Variants in KDM5B observed in about 807,000 individuals in gnomAD.
The protein encoded by KDM5B is lysine-specific demethylase 5B.
In KDM5B, 144 loss-of-function variants were observed where a neutral mutation model predicts 193.4. That is an observed-to-expected ratio of 0.74 (90% CI 0.65 to 0.86). The LOEUF (loss-of-function observed/expected upper bound fraction) is 0.86, where lower values mean the gene tolerates loss of function less well. KDM5B is among the 40% of genes least tolerant of loss of function. KDM5B has a pLI of 0.00. For missense variants in KDM5B, 1,833 were observed against 1,886.9 expected (o/e 0.97, Z 0.53); for synonymous variants, 668 against 682.6 (o/e 0.98, Z 0.33).
intron 11 of KDM5B, among the ~76,000 whole-genome samples, chr1:202,754,029 T>C (rs974274734): frequency 1.3e-5 from 2 of 152,232 alleles, no homozygotes; most frequent in Non-Finnish European, 2.9e-5. Context: ...TATCACAGTT[T>C]CCTAAAGCAA....
rs552068221 is a variant in KDM5B at position 202,769,050 on chromosome 1, T to G, written c.577-1990A>C. On this transcript the variant is annotated intron_variant, in intron 4 of 26. Coordinates refer to ENST00000367265, the MANE Select transcript of KDM5B (RefSeq NM_006618.5). ...ATATTCTTTTTTTTTCTTTTTTTTT[T>G]TTTTGAGACAGAGTCTCGCTTTGTC... Among the ~76,000 whole-genome samples the G allele has an allele frequency of 2.0e-5, 3 of 147,526 alleles. No homozygotes were observed. In the East Asian group the frequency reaches 6.1e-4, roughly 30 times the overall value.
intron 1 of KDM5B, among the ~76,000 whole-genome samples, chr1:202,779,215 T>G (rs1350627059): frequency 6.6e-6 from 1 of 152,074 alleles, no homozygotes; most frequent in East Asian, 1.9e-4. Flanking sequence ...TATACCAAGT[T>G]TATCCTAAGA....
Position 202,778,271 on chromosome 1 carries a change from A to AAGT in KDM5B, c.205-1180_205-1178dup, listed in dbSNP as rs201750950. The stretch of plus-strand genomic sequence containing the variant: ...TCATGGAAGAACTGCCATCATGAGG[A>AAGT]AGTAATCAGACAATTAAATATATAT... On this transcript the variant is annotated intron_variant, in intron 1 of 26. Coordinates refer to ENST00000367265, the MANE Select transcript of KDM5B (RefSeq NM_006618.5). Among the ~76,000 whole-genome samples, 598 of 152,302 alleles carry AAGT rather than the reference A, an allele frequency of 3.9e-3. 4 individuals carry two copies. The highest frequency in any genetic ancestry group is 0.011 in the African/African-American group (450 of 41,542).
chr1:202,746,808 G>T (rs761170486), intron 14 of KDM5B, among the ~76,000 whole-genome samples: 2 of 152,166 alleles, frequency 1.3e-5, no homozygotes, highest in Admixed American at 6.5e-5. Context: ...ATGCTGAGTG[G>T]TCTCTCAGCC....
intron 14 of KDM5B, among the ~76,000 whole-genome samples, 182 bp downstream of exon 14, chr1:202,748,763 T>C (rs1655670609): frequency 1.3e-5 from 2 of 152,078 alleles, no homozygotes; most frequent in African/African-American, 2.4e-5. Flanking sequence ...GAGACATATG[T>C]ACATGTGGCA....
Position 202,764,223 on chromosome 1 carries a change from T to A in KDM5B, c.712-78A>T, listed in dbSNP as rs375260383. On this transcript the variant is annotated intron_variant, in intron 5 of 26. Coordinates refer to ENST00000367265, the MANE Select transcript of KDM5B (RefSeq NM_006618.5). ...TAAAAATCCAACTGGAATCTCAAGG[T>A]GACTATATCCTACCAATTGCCTCTA... 15 of 731,510 alleles carry A rather than the reference T, an allele frequency of 2.1e-5. No homozygotes were observed. In the African/African-American group the frequency reaches 2.7e-4, roughly 13 times the overall value. The allele number at this position is 731,510 out of a possible 1,614,324, so 45.3% of individuals were successfully genotyped here. A position where few individuals can be genotyped will look rare whatever the true frequency, so the allele number is the denominator to read the frequency against.
intron 18 of KDM5B, among the ~76,000 whole-genome samples, 179 bp from the exon 19 acceptor site, chr1:202,741,901 C>A (rs991408295): frequency 6.6e-6 from 1 of 151,834 alleles, no homozygotes; most frequent in African/African-American, 2.4e-5. Context: ...ATAACAGACA[C>A]CTTATCCCAG....
At chr1:202,794,694 C>G (rs1657766977) in intron 1 of KDM5B, among the ~76,000 whole-genome samples, 1 of 152,170 alleles carries the variant, frequency 6.6e-6, no homozygotes, top group Non-Finnish European at 1.5e-5. Context: ...ACCAAAAAAT[C>G]CACATTAAAG....
At chr1:202,783,599 C>T (rs1168179630) in intron 1 of KDM5B, among the ~76,000 whole-genome samples, 1 of 152,136 alleles carries the variant, frequency 6.6e-6, no homozygotes, top group African/African-American at 2.4e-5. Context: ...AAGTTCAGGC[C>T]GGGTGCAGTG....
Position 202,725,937 on chromosome 1 carries a change from C to G in KDM5B, c.*3099G>C, listed in dbSNP as rs371067209. On this transcript the variant is annotated 3_prime_UTR_variant, in exon 27 of 27. Coordinates refer to ENST00000367265, the MANE Select transcript of KDM5B (RefSeq NM_006618.5). ...ATCAATACCTGCTCCAAGCCAGAAG[C>G]AGGTCTTAACAGACTGCCAAATATC... 6.6e-6 allele frequency: 1 copy of G among 152,212 alleles called. No individual in the cohort carries two copies. The highest frequency in any genetic ancestry group is 1.5e-5 in the Non-Finnish European group (1 of 68,034). 9.4% of individuals were successfully genotyped at this position (152,212 alleles called of 1,614,324 possible).
At chr1:202,764,916 G>C (rs867819694) in intron 5 of KDM5B, among the ~76,000 whole-genome samples, 1 of 152,212 alleles carries the variant, frequency 6.6e-6, no homozygotes, top group East Asian at 1.9e-4. Context: ...GGCAGAGGTT[G>C]CAGTGAGCCA....
chr1:202,799,443 C>T (rs1431444209), intron 1 of KDM5B, among the ~76,000 whole-genome samples: 7 of 152,120 alleles, frequency 4.6e-5, no homozygotes, highest in African/African-American at 1.4e-4. Context: ...CACCTGAGGT[C>T]GGGAGTTCGA....
In KDM5B at chr1:202,766,644, C is replaced by T. The variant is rs937619284; in HGVS notation, c.711+282G>A. 5 of 480,522 alleles carry T rather than the reference C, an allele frequency of 1.0e-5. No homozygotes were observed. In the East Asian group the frequency reaches 2.3e-4, roughly 22 times the overall value. 29.8% of individuals were successfully genotyped at this position (480,522 alleles called of 1,614,324 possible). On this transcript the variant is annotated intron_variant, in intron 5 of 26. Coordinates refer to ENST00000367265, the MANE Select transcript of KDM5B (RefSeq NM_006618.5). ...CAATTTTGTGAGGGTAATGGGCAATCCAAGTAGGAACACAGGAACACCAAT... is the reference window on the plus strand; with the variant it reads ...CAATTTTGTGAGGGTAATGGGCAATTCAAGTAGGAACACAGGAACACCAAT...
chr1:202,758,070 C>A (rs1656090881), intron 9 of KDM5B, among the ~76,000 whole-genome samples: 1 of 152,178 alleles, frequency 6.6e-6, no homozygotes, highest in South Asian at 2.1e-4. Context: ...ACACAGCAGT[C>A]ATTTAATACA....
chr1:202,759,838 CA>C (rs1656174051), intron 8 of KDM5B, among the ~76,000 whole-genome samples: 1 of 152,044 alleles, frequency 6.6e-6, no homozygotes, highest in Non-Finnish European at 1.5e-5. Context: ...ATAATTCTTG[CA>C]AAGAGCATGT....
chr1:202,801,649 T>G (rs559122216), intron 1 of KDM5B, among the ~76,000 whole-genome samples: 1 of 152,356 alleles, frequency 6.6e-6, no homozygotes, highest in Non-Finnish European at 1.5e-5. Flanking sequence ...TTCATTTAAT[T>G]TTCATATTAA....
At chr1:202,786,584 C>CA (rs1657423240) in intron 1 of KDM5B, among the ~76,000 whole-genome samples, 2 of 152,158 alleles carry the variant, frequency 1.3e-5, no homozygotes, top group Admixed American at 1.3e-4. Context: ...GCAAAAATGG[C>CA]AAAAACCACG....
intron 6 of KDM5B, among the ~76,000 whole-genome samples, chr1:202,763,718 A>G (rs1406590808): frequency 2.0e-5 from 3 of 152,184 alleles, no homozygotes; most frequent in Non-Finnish European, 4.4e-5. Flanking sequence ...GGTCAAAGGC[A>G]CCTATGTTTT....
rs1020630935 is a variant in KDM5B at position 202,726,596 on chromosome 1, C to G, written c.*2440G>C. The G allele has an allele frequency of 4.6e-5, 7 of 152,188 alleles. No individual in the cohort carries two copies. Among genetic ancestry groups the G allele is most frequent in the African/African-American group, 1.7e-4 (7 of 41,440 alleles). 9.4% of individuals were successfully genotyped at this position (152,188 alleles called of 1,614,324 possible). Reference sequence around the variant, plus strand: ...CCTTCCCCTCTCCCACCTCACAAAGCTGCAGGACTACTGAGATGGAAACTG... The same window carrying G: ...CCTTCCCCTCTCCCACCTCACAAAGGTGCAGGACTACTGAGATGGAAACTG... On this transcript the variant is annotated 3_prime_UTR_variant, in exon 27 of 27. Coordinates refer to ENST00000367265, the MANE Select transcript of KDM5B (RefSeq NM_006618.5).
Sources: gnomAD v4.1 joint callset for allele counts (sites outside exome capture counted in the v4.1 genomes callset) on GRCh38, gnomAD v4.1.1 for gene constraint, MANE v1.5 for transcripts, NCBI Gene and HGNC (gene_info 2026-07-23, HGNC 2026-07-21) for gene names.